The following C1QTNF3 variants were observed in gnomAD, a reference collection of about 807,000 sequenced individuals.
C1QTNF3 encodes complement C1q tumor necrosis factor-related protein 3.
Under a neutral mutation model 32.6 loss-of-function variants are expected in C1QTNF3, and 26 were observed. The ratio of observed to expected loss-of-function variants is 0.80; its 90% CI spans 0.58 to 1.11. C1QTNF3 has a LOEUF of 1.11. Ranked by LOEUF, C1QTNF3 falls within the 50% of genes least tolerant of loss-of-function variation. The pLI is 0.00. For synonymous variants in C1QTNF3, 155 were observed against 146.0 expected (o/e 1.06, Z -0.44); for missense variants, 362 against 398.2 (o/e 0.91, Z 0.77).
chr5:34,044,506 A>G (rs1374123087), upstream of C1QTNF3, among the ~76,000 whole-genome samples: 1 of 152,004 alleles, frequency 6.6e-6, no homozygotes. Flanking sequence ...GAGGAGAGAG[A>G]GCTGTTGACA....
At chr5:34,161,124 G>A in the C1QTNF3 span, among the ~76,000 whole-genome samples, 1 of 152,118 alleles carries the variant, frequency 6.6e-6, no homozygotes, top group East Asian at 1.9e-4. Flanking sequence ...AGAATATCTA[G>A]GTAGGGCACT....
At chr5:34,195,580 G>T in the C1QTNF3 span, among the ~76,000 whole-genome samples, 1 of 152,234 alleles carries the variant, frequency 6.6e-6, no homozygotes, top group Non-Finnish European at 1.5e-5. Context: ...GGTGGCTCAT[G>T]CCTGTAATCC....
chr5:34,228,265 G>C, the C1QTNF3 span, among the ~76,000 whole-genome samples: 1 of 151,554 alleles, frequency 6.6e-6, no homozygotes, highest in Non-Finnish European at 1.5e-5. Context: ...TATTAGCTCT[G>C]ATTCTAGAAA....
At chr5:34,054,277 G>A in the C1QTNF3 span, among the ~76,000 whole-genome samples, 1 of 152,296 alleles carries the variant, frequency 6.6e-6, no homozygotes, top group African/African-American at 2.4e-5. Context: ...CCTCCACACT[G>A]GGAAACTTTA....
the C1QTNF3 span, among the ~76,000 whole-genome samples, chr5:34,116,222 A>T: frequency 7.2e-5 from 11 of 152,156 alleles, no homozygotes; most frequent in Non-Finnish European, 1.5e-5. Context: ...AGGTTGAAGA[A>T]TATAATTTGT....
At chr5:34,140,613 T>A in the C1QTNF3 span, among the ~76,000 whole-genome samples, 1 of 152,206 alleles carries the variant, frequency 6.6e-6, no homozygotes, top group Non-Finnish European at 1.5e-5. Flanking sequence ...ATGGATAACT[T>A]TATTTGGTGT....
At chr5:34,137,112 G>A in the C1QTNF3 span, among the ~76,000 whole-genome samples, 7 of 149,314 alleles carry the variant, frequency 4.7e-5, no homozygotes, top group African/African-American at 1.5e-4. Context: ...AAACTTCCAC[G>A]TTGTGCACAT....
At chr5:34,064,654 A>G in the C1QTNF3 span, among the ~76,000 whole-genome samples, 1 of 152,306 alleles carries the variant, frequency 6.6e-6, no homozygotes, top group African/African-American at 2.4e-5. Flanking sequence ...GTGGAAGTCA[A>G]TGGCAGATCT....
the C1QTNF3 span, among the ~76,000 whole-genome samples, chr5:34,226,536 C>T: frequency 6.6e-6 from 1 of 151,396 alleles, no homozygotes; most frequent in African/African-American, 2.4e-5. Flanking sequence ...CTATCAATAT[C>T]CTTCCCACCA....
chr5:34,171,052 C>A, the C1QTNF3 span, among the ~76,000 whole-genome samples: 6 of 152,006 alleles, frequency 3.9e-5, no homozygotes, highest in Non-Finnish European at 8.8e-5. Context: ...TCCAGGCACA[C>A]ACTGCTGTGA....
the C1QTNF3 span, among the ~76,000 whole-genome samples, chr5:34,237,600 C>A: frequency 2.0e-5 from 3 of 152,162 alleles, no homozygotes; most frequent in Non-Finnish European, 2.9e-5. Flanking sequence ...GGAAGCACCA[C>A]CCCCACTGAG....
the C1QTNF3 span, among the ~76,000 whole-genome samples, chr5:34,154,591 A>G: frequency 0.013 from 1,918 of 152,294 alleles, 46 homozygotes; most frequent in African/African-American, 0.044. Flanking sequence ...TTTCAGTCAA[A>G]TCAATTGAAT....
At chr5:34,032,307 T>C (rs540808354) in intron 3 of C1QTNF3, among the ~76,000 whole-genome samples, 30 of 152,226 alleles carry the variant, frequency 2.0e-4, no homozygotes, top group African/African-American at 6.7e-4. Flanking sequence ...TAATGATCAT[T>C]TAAAAGAGAG....
At chr5:34,172,525 G>T in the C1QTNF3 span, among the ~76,000 whole-genome samples, 3 of 152,146 alleles carry the variant, frequency 2.0e-5, no homozygotes, top group East Asian at 5.8e-4. Context: ...TTCTTTCCCT[G>T]TGTAACTCCA....
the C1QTNF3 span, among the ~76,000 whole-genome samples, chr5:34,129,375 A>G: frequency 2.0e-5 from 3 of 152,240 alleles, no homozygotes; most frequent in East Asian, 1.9e-4. Context: ...TGTGGACTCT[A>G]TAATAGCTGA....
the C1QTNF3 span, among the ~76,000 whole-genome samples, chr5:34,177,609 C>G: frequency 1.3e-5 from 2 of 150,952 alleles, no homozygotes; most frequent in Non-Finnish European, 2.9e-5. Flanking sequence ...GCTTTAGCCT[C>G]CTGAGTAGCT....
the C1QTNF3 span, chr5:34,165,365 CTCTG>C: frequency 3.9e-5 from 6 of 152,124 alleles, no homozygotes; most frequent in East Asian, 1.9e-4. Context: ...CTCTCTCTCT[CTCTG>C]TATGTGTAGG....
chr5:34,053,561 CTT>C, the C1QTNF3 span, among the ~76,000 whole-genome samples: 10 of 152,198 alleles, frequency 6.6e-5, no homozygotes, highest in African/African-American at 2.4e-4. Context: ...TTAAGACAGA[CTT>C]TGGCACATAA....
chr5:34,212,196 G>C, the C1QTNF3 span, among the ~76,000 whole-genome samples: 1 of 151,174 alleles, frequency 6.6e-6, no homozygotes, highest in South Asian at 2.1e-4. Context: ...AAACTGGCTA[G>C]TCATATGGAG....
Sources: allele counts gnomAD v4.1 joint callset (sites outside exome capture counted in the v4.1 genomes callset), GRCh38; gene constraint gnomAD v4.1.1; transcripts MANE v1.5; gene names NCBI Gene and HGNC (gene_info 2026-07-23, HGNC 2026-07-21).